Variants in PPFIA2 observed in about 807,000 individuals in gnomAD.
The protein encoded by PPFIA2 is liprin-alpha-2.
In PPFIA2, 46 loss-of-function variants were observed where a neutral mutation model predicts 175.5. That is an observed-to-expected ratio of 0.26 (90% CI 0.21 to 0.34). The LOEUF is 0.34. Ranked by LOEUF, PPFIA2 falls within the 10% of genes least tolerant of loss-of-function variation. The pLI, the probability that PPFIA2 is intolerant of heterozygous loss-of-function variation, is 1.00. For synonymous variants in PPFIA2, 568 were observed against 511.4 expected (o/e 1.11, Z -1.49); for missense variants, 1,179 against 1,506.1 (o/e 0.78, Z 3.60).
intron 7 of PPFIA2, among the ~76,000 whole-genome samples, chr12:81,437,535 T>G (rs147821780): frequency 1.3e-5 from 2 of 152,134 alleles, no homozygotes; most frequent in South Asian, 4.1e-4. Context: ...ACCTGGCCTA[T>G]GGGACACTTT....
At chr12:81,419,138 C>A (rs1482104682) in intron 7 of PPFIA2, among the ~76,000 whole-genome samples, 1 of 151,968 alleles carries the variant, frequency 6.6e-6, no homozygotes, top group Non-Finnish European at 1.5e-5. Context: ...CCCTTGACAT[C>A]CAAAACATTG....
chr12:81,734,677 T>C (rs1371632047), intron 3 of PPFIA2, among the ~76,000 whole-genome samples: 1 of 151,848 alleles, frequency 6.6e-6, no homozygotes, highest in Non-Finnish European at 1.5e-5. Context: ...TTTTTTAACA[T>C]CTTAATTGAA....
chr12:81,407,938 GA>G (rs1341009536), intron 7 of PPFIA2, among the ~76,000 whole-genome samples: 1 of 152,090 alleles, frequency 6.6e-6, no homozygotes, highest in Non-Finnish European at 1.5e-5. Flanking sequence ...TATCTCCTGA[GA>G]AAATAATTTT....
At chr12:81,755,635 A>C (rs539663102) in intron 2 of PPFIA2, among the ~76,000 whole-genome samples, 6 of 152,298 alleles carry the variant, frequency 3.9e-5, no homozygotes, top group Admixed American at 2.0e-4. Context: ...GGACTCCTGA[A>C]AACTAAGAAA....
intron 7 of PPFIA2, among the ~76,000 whole-genome samples, chr12:81,436,986 C>G (rs566684251): frequency 5.9e-5 from 9 of 152,198 alleles, no homozygotes; most frequent in African/African-American, 1.7e-4. Context: ...TTAAGCAAAA[C>G]AAATGGCATT....
At chr12:81,546,324 G>C (rs1404922730) in intron 4 of PPFIA2, 1 of 151,968 alleles carries the variant, frequency 6.6e-6, no homozygotes, top group Non-Finnish European at 1.5e-5. Flanking sequence ...CTAAATTTGT[G>C]TGCAATATCT....
At chr12:81,642,121 A>T (rs1158345283) in intron 4 of PPFIA2, among the ~76,000 whole-genome samples, 1 of 152,116 alleles carries the variant, frequency 6.6e-6, no homozygotes, top group African/African-American at 2.4e-5. Flanking sequence ...ATGTATAGAT[A>T]GGTGATAGAT....
At chr12:81,756,553 T>C (rs1294159348) in intron 2 of PPFIA2, among the ~76,000 whole-genome samples, 1 of 152,098 alleles carries the variant, frequency 6.6e-6, no homozygotes. Context: ...CTATTAAATC[T>C]ACACTCAAAA....
chr12:81,426,152 A>G (rs1409733561), intron 7 of PPFIA2, among the ~76,000 whole-genome samples: 1 of 152,194 alleles, frequency 6.6e-6, no homozygotes, highest in African/African-American at 2.4e-5. Flanking sequence ...CAGGTAATTA[A>G]TCGATCATGC....
At position 81,259,545 on chromosome 12, in the gene PPFIA2, T is replaced by C; in HGVS notation, c.*149A>G. ...CCCCCCAAAAATCACATTTTTCAGC[T>C]TTTAATAAGTCATGACGTCATTATT... On this transcript the variant is annotated 3_prime_UTR_variant, in exon 33 of 33. Coordinates refer to ENST00000549396, the MANE Select transcript of PPFIA2 (RefSeq NM_003625.5). The C allele has an allele frequency of 7.6e-7, 1 of 1,312,674 alleles. No homozygotes were observed. The highest frequency in any genetic ancestry group is 1.0e-6 in the Non-Finnish European group (1 of 954,444). The allele number at this position is 1,312,674 out of a possible 1,614,324, so 81.3% of individuals were successfully genotyped here.
At chr12:81,566,928 G>A (rs2071448519) in intron 4 of PPFIA2, among the ~76,000 whole-genome samples, 1 of 152,174 alleles carries the variant, frequency 6.6e-6, no homozygotes, top group South Asian at 2.1e-4. Flanking sequence ...ATGTTTTATG[G>A]TATAAGTTTG....
At chr12:81,481,608 T>C (rs2058237538) in intron 4 of PPFIA2, among the ~76,000 whole-genome samples, 1 of 152,140 alleles carries the variant, frequency 6.6e-6, no homozygotes, top group South Asian at 2.1e-4. Context: ...TATCTGATCT[T>C]TGACAAACCT....
intron 27 of PPFIA2, chr12:81,279,450 T>C (rs1489428463): frequency 6.6e-6 from 1 of 152,124 alleles, no homozygotes; most frequent in Non-Finnish European, 1.5e-5. Context: ...AAACCAATGC[T>C]TCTTGGTCAG....
At chr12:81,649,496 T>C (rs2066680544) in intron 4 of PPFIA2, among the ~76,000 whole-genome samples, 1 of 152,196 alleles carries the variant, frequency 6.6e-6, no homozygotes, top group Admixed American at 6.5e-5. Context: ...TTTTGGCAAA[T>C]GTATGCCATT....
chr12:81,727,555 T>C (rs765825923), intron 3 of PPFIA2, among the ~76,000 whole-genome samples: 1 of 151,354 alleles, frequency 6.6e-6, no homozygotes, highest in Non-Finnish European at 1.5e-5. Flanking sequence ...TCTGAGAGCT[T>C]GTTAAAAATG....
chr12:81,302,626 G>T, intron 22 of PPFIA2: 2 of 444,412 alleles, frequency 4.5e-6, no homozygotes, highest in South Asian at 3.2e-5. Context: ...AAACGGATCA[G>T]ATGGGAGGGA....
chr12:81,508,737 T>C (rs1467345867), intron 4 of PPFIA2, among the ~76,000 whole-genome samples: 2 of 150,850 alleles, frequency 1.3e-5, no homozygotes, highest in Non-Finnish European at 3.0e-5. Flanking sequence ...TAGCATTAGG[T>C]ATATCTCCCG....
intron 15 of PPFIA2, among the ~76,000 whole-genome samples, chr12:81,361,049 G>C (rs2141184581): frequency 6.6e-6 from 1 of 151,658 alleles, no homozygotes; most frequent in East Asian, 1.9e-4. Context: ...TCTTGGTCTA[G>C]GGTTCCTTCC....
At chr12:81,525,379 A>C (rs2063616505) in intron 4 of PPFIA2, among the ~76,000 whole-genome samples, 1 of 152,188 alleles carries the variant, frequency 6.6e-6, no homozygotes, top group Non-Finnish European at 1.5e-5. Context: ...ATTATTCTAG[A>C]TGAGGTTGAC....
Sources: allele counts gnomAD v4.1 joint callset (sites outside exome capture counted in the v4.1 genomes callset), GRCh38; gene constraint gnomAD v4.1.1; transcripts MANE v1.5; gene names NCBI Gene and HGNC (gene_info 2026-07-23, HGNC 2026-07-21).